Variants in AASS observed in about 807,000 individuals in gnomAD.
AASS encodes the protein alpha-aminoadipic semialdehyde synthase, mitochondrial.
In AASS, 86 loss-of-function variants were observed where a neutral mutation model predicts 105.4. The observed-to-expected ratio is 0.82, with a 90% CI of 0.69 to 0.98. The LOEUF is 0.98. Ranked by LOEUF, AASS falls within the 50% of genes least tolerant of loss-of-function variation. The pLI, the probability that AASS is intolerant of heterozygous loss-of-function variation, is 0.00. For missense variants in AASS, 1,048 were observed against 1,143.2 expected, an observed-to-expected ratio of 0.92 and a Z score of 1.20; for synonymous variants, 381 against 394.8, an observed-to-expected ratio of 0.96 and a Z score of 0.41.
At position 122,126,193 on chromosome 7, in the gene AASS, AT is replaced by A. The variant is rs1354853750; in HGVS notation, c.472+181del. Reference sequence around the variant, plus strand: ...TTCCTTTGAATTTTTGCAATAAAATATTTTTAACCATTTATCTTCATACTTT... The same window carrying A: ...TTCCTTTGAATTTTTGCAATAAAATATTTTAACCATTTATCTTCATACTTT... On this transcript the variant is annotated intron_variant, in intron 4 of 23. Transcript: ENST00000417368. Among the ~76,000 whole-genome samples the A allele has an allele frequency of 2.0e-5, 3 of 152,332 alleles. No individual in the cohort carries two copies. The East Asian group carries it at 5.8e-4, about 29-fold the overall frequency.
intron 4 of AASS, among the ~76,000 whole-genome samples, chr7:122,120,783 T>C (rs1299394611): frequency 2.6e-5 from 4 of 152,042 alleles, no homozygotes; most frequent in Non-Finnish European, 5.9e-5. Context: ...ATCTTCTAAT[T>C]TTCCTGTGAT....
chr7:122,129,167 G>A (rs114614901), intron 3 of AASS, among the ~76,000 whole-genome samples, 194 bp downstream of exon 3: 173 of 152,168 alleles, frequency 1.1e-3, no homozygotes, highest in African/African-American at 3.8e-3. Context: ...ATAGTATATG[G>A]CCAATTGACC....
At chr7:122,126,300 G>A (rs555805127) in intron 4 of AASS, 75 bp downstream of exon 4, 105 of 1,318,234 alleles carry the variant, frequency 8.0e-5, no homozygotes, top group East Asian at 3.0e-4. Flanking sequence ...TCCCCTTGCC[G>A]CAGAAAAGAG....
chr7:122,086,452 A>T (rs933740055), intron 18 of AASS, among the ~76,000 whole-genome samples: 1 of 151,910 alleles, frequency 6.6e-6, no homozygotes, highest in Non-Finnish European at 1.5e-5. Flanking sequence ...CCCTGGATAA[A>T]ATGGCACTAA....
chr7:122,132,155 C>T (rs1795945989), intron 2 of AASS, among the ~76,000 whole-genome samples: 1 of 152,136 alleles, frequency 6.6e-6, no homozygotes, highest in Admixed American at 6.5e-5. Flanking sequence ...TATATATAAA[C>T]TCCTCATAAC....
intron 2 of AASS, among the ~76,000 whole-genome samples, chr7:122,130,244 C>A (rs1187545548): frequency 6.6e-6 from 1 of 151,926 alleles, no homozygotes; most frequent in African/African-American, 2.4e-5. Context: ...TTAAATTAAT[C>A]TGAAAGGCTA....
intron 6 of AASS, 66 bp from the exon 7 acceptor site, chr7:122,117,023 A>G: frequency 7.1e-7 from 1 of 1,403,380 alleles, no homozygotes; most frequent in East Asian, 2.3e-5. Context: ...GTTTTCTGCA[A>G]AGATCTGATC....
chr7:122,074,204 T>C lies in AASS; in HGVS notation c.*2285A>G, dbSNP rs2150504129. On this transcript the variant is annotated 3_prime_UTR_variant, in exon 24 of 24. Transcript: ENST00000417368. ...GTTAAGTGATATCTCATTGTAGATC[T>C]CATTTGCATTTCCCTGATGGCTAGT... Among the ~76,000 whole-genome samples, 1 of 152,336 alleles carries C rather than the reference T, an allele frequency of 6.6e-6. No homozygotes were observed. The highest frequency in any genetic ancestry group is 2.1e-4 in the South Asian group (1 of 4,822).
intron 19 of AASS, among the ~76,000 whole-genome samples, chr7:122,085,043 T>C (rs1793557328): frequency 6.6e-6 from 1 of 152,134 alleles, no homozygotes; most frequent in African/African-American, 2.4e-5. Flanking sequence ...AGGACCTCAA[T>C]ATGAAATCAA....
chr7:122,092,289 C>T (rs1391824853), intron 17 of AASS, among the ~76,000 whole-genome samples: 4 of 151,980 alleles, frequency 2.6e-5, no homozygotes, highest in African/African-American at 9.7e-5. Context: ...CAACAGATTG[C>T]TGATACCCAA....
intron 4 of AASS, among the ~76,000 whole-genome samples, chr7:122,124,418 G>T (rs1323285396): frequency 2.0e-5 from 3 of 152,090 alleles, no homozygotes; most frequent in Non-Finnish European, 4.4e-5. Flanking sequence ...AAGTAGCTGG[G>T]ATTACAGGCA....
chr7:122,099,256 G>A (rs1434104775), intron 13 of AASS, among the ~76,000 whole-genome samples: 2 of 151,814 alleles, frequency 1.3e-5, no homozygotes, highest in Non-Finnish European at 2.9e-5. Context: ...CATACAAGGG[G>A]TTTTACCTTG....
intron 18 of AASS, among the ~76,000 whole-genome samples, chr7:122,086,924 AG>A (rs1793656473): frequency 6.6e-6 from 1 of 152,194 alleles, no homozygotes; most frequent in Non-Finnish European, 1.5e-5. Flanking sequence ...AATGCAATGA[AG>A]GATTTCTTTG....
At chr7:122,077,702 G>T (rs1187785380) in intron 23 of AASS, 136 bp downstream of exon 23, 2 of 1,113,266 alleles carry the variant, frequency 1.8e-6, no homozygotes, top group Non-Finnish European at 1.4e-6. Flanking sequence ...CAGGCAGTCC[G>T]CGCTTGGATC....
At chr7:122,091,932 T>G in intron 17 of AASS, 89 bp from the exon 18 acceptor site, 3 of 939,358 alleles carry the variant, frequency 3.2e-6, no homozygotes, top group Non-Finnish European at 1.7e-6. Context: ...ATGAATGGAG[T>G]AAACTTGCTA....
intron 2 of AASS, among the ~76,000 whole-genome samples, chr7:122,130,570 G>A (rs1795863122): frequency 6.6e-6 from 1 of 151,928 alleles, no homozygotes; most frequent in Non-Finnish European, 1.5e-5. Flanking sequence ...TGGGAAACCT[G>A]AGGCTTACAA....
chr7:122,081,491 G>A lies in AASS; in HGVS notation c.2280+9C>T. ...AGGAGCAGATAGAACGTAATTCGGAGTCACTCACCCAGGTGAGAGGGTTGG... is the reference window on the plus strand; with the variant it reads ...AGGAGCAGATAGAACGTAATTCGGAATCACTCACCCAGGTGAGAGGGTTGG... On this transcript the variant is annotated intron_variant, in intron 20 of 23. Transcript: ENST00000417368. 1 of 1,601,696 alleles carries A rather than the reference G, an allele frequency of 6.2e-7. No individual in the cohort carries two copies. Among genetic ancestry groups the A allele is most frequent in the Non-Finnish European group, 8.6e-7 (1 of 1,168,668 alleles).
At chr7:122,113,262 C>T (rs756099021) in intron 10 of AASS, 33 bp from the exon 11 acceptor site, 5 of 1,572,406 alleles carry the variant, frequency 3.2e-6, no homozygotes, top group Admixed American at 3.3e-5. Flanking sequence ...TTCAGAAGCA[C>T]AAAACATTAT....
At chr7:122,114,814 G>A (rs1165318671) in intron 9 of AASS, among the ~76,000 whole-genome samples, 2 of 152,096 alleles carry the variant, frequency 1.3e-5, no homozygotes, top group Admixed American at 1.3e-4. Flanking sequence ...AGCCAAGGCA[G>A]GAGGTCTGCT....
Sources: gnomAD v4.1 joint callset for allele counts (sites outside exome capture counted in the v4.1 genomes callset) on GRCh38, gnomAD v4.1.1 for gene constraint, MANE v1.5 for transcripts, NCBI Gene and HGNC (gene_info 2026-07-23, HGNC 2026-07-21) for gene names.